The following CDYL variants were observed in gnomAD, a reference collection of about 807,000 sequenced individuals.
CDYL encodes the protein chromodomain Y like.
Under a neutral mutation model 47.3 loss-of-function variants are expected in CDYL, and 8 were observed. That is an observed-to-expected ratio of 0.17 (90% CI 0.10 to 0.31). CDYL has a LOEUF of 0.31. CDYL is among the 10% of genes least tolerant of loss of function. The pLI, the probability that CDYL is intolerant of heterozygous loss-of-function variation, is 1.00. For synonymous variants in CDYL, 266 were observed against 265.0 expected, an observed-to-expected ratio of 1.00 and a Z score of -0.04; for missense variants, 471 against 701.4, an observed-to-expected ratio of 0.67 and a Z score of 3.71.
At chr6:4,761,093 G>A (rs1254214850) in intron 3 of CDYL, among the ~76,000 whole-genome samples, 1 of 152,028 alleles carries the variant, frequency 6.6e-6, no homozygotes, top group Non-Finnish European at 1.5e-5. Context: ...AGTAACTGTG[G>A]CAAAATTGTT....
chr6:4,750,589 C>A (rs2127419810), intron 3 of CDYL, among the ~76,000 whole-genome samples: 1 of 152,294 alleles, frequency 6.6e-6, no homozygotes, highest in East Asian at 1.9e-4. Flanking sequence ...ACTGCTGGAG[C>A]CTAGGAGTTC....
At chr6:4,709,182 C>T (rs1253507951) in intron 1 of CDYL, among the ~76,000 whole-genome samples, 3 of 151,904 alleles carry the variant, frequency 2.0e-5, no homozygotes, top group Non-Finnish European at 4.4e-5. Context: ...ACTAATTCTG[C>T]TATTCATTGC....
intron 1 of CDYL, among the ~76,000 whole-genome samples, chr6:4,790,859 T>C (rs566010642): frequency 3.3e-5 from 5 of 152,328 alleles, no homozygotes; most frequent in African/African-American, 1.2e-4. Flanking sequence ...TAAGCAAGTA[T>C]CTGTAATGAA....
chr6:4,892,492 T>A, intron 2 of CDYL, 113 bp downstream of exon 2: 5 of 1,132,572 alleles, frequency 4.4e-6, no homozygotes, highest in Admixed American at 5.0e-5. Context: ...CGGCATCTGC[T>A]GGAGCCTTGC....
chr6:4,843,271 A>C (rs2127459997), intron 1 of CDYL, among the ~76,000 whole-genome samples: 1 of 152,230 alleles, frequency 6.6e-6, no homozygotes, highest in East Asian at 1.9e-4. Flanking sequence ...TCTTAACTTT[A>C]GATAACCTGA....
At chr6:4,943,903 C>T (rs1190286510) in intron 5 of CDYL, 147 bp downstream of exon 5, 14 of 594,022 alleles carry the variant, frequency 2.4e-5, no homozygotes, top group African/African-American at 3.7e-5. Flanking sequence ...GGTTCATAGA[C>T]GTTGTTGACC....
chr6:4,807,591 C>CTTTTTTTTT (rs70974139), intron 1 of CDYL, among the ~76,000 whole-genome samples: 1 of 42,898 alleles, frequency 2.3e-5, no homozygotes, highest in African/African-American at 8.9e-5. Context: ...TCATTCATGT[C>CTTTTTTTTT]TTTTTTTTTT....
intron 2 of CDYL, among the ~76,000 whole-genome samples, chr6:4,916,873 C>T (rs1264194963): frequency 1.3e-5 from 2 of 152,228 alleles, no homozygotes; most frequent in African/African-American, 4.8e-5. Context: ...GGCCTGGCCA[C>T]GTGCACGGCC....
intron 1 of CDYL, among the ~76,000 whole-genome samples, chr6:4,708,060 GA>G (rs1757078107): frequency 6.6e-6 from 1 of 152,074 alleles, no homozygotes; most frequent in Admixed American, 6.6e-5. Flanking sequence ...GGAACTTACT[GA>G]AACTTCCTTT....
chr6:4,766,762 G>C (rs1758257708), intron 3 of CDYL, among the ~76,000 whole-genome samples: 1 of 151,904 alleles, frequency 6.6e-6, no homozygotes, highest in Non-Finnish European at 1.5e-5. Flanking sequence ...CCTAGCCTTT[G>C]GGAGGCTGAG....
chr6:4,728,504 G>A (rs1200511224), intron 2 of CDYL, among the ~76,000 whole-genome samples: 2 of 152,146 alleles, frequency 1.3e-5, no homozygotes, highest in East Asian at 3.9e-4. Context: ...ACTAGTGGCT[G>A]AACTGAAAAA....
intron 1 of CDYL, among the ~76,000 whole-genome samples, chr6:4,883,584 T>C (rs1761821490): frequency 6.6e-6 from 1 of 152,184 alleles, no homozygotes; most frequent in Non-Finnish European, 1.5e-5. Context: ...CAGGATAGAT[T>C]GGACTGACCA....
chr6:4,723,516 A>G (rs887525232), intron 2 of CDYL, among the ~76,000 whole-genome samples: 3 of 152,184 alleles, frequency 2.0e-5, no homozygotes, highest in Non-Finnish European at 4.4e-5. Context: ...TGGGCTAGCA[A>G]GAGTGGGGGC....
intron 2 of CDYL, among the ~76,000 whole-genome samples, chr6:4,721,574 G>A (rs1757370215): frequency 6.6e-6 from 1 of 151,986 alleles, no homozygotes; most frequent in South Asian, 2.1e-4. Context: ...AGCAGAGATG[G>A]TTTTGCCCTG....
At chr6:4,937,139 T>C (rs1208262527) in intron 3 of CDYL, among the ~76,000 whole-genome samples, 1 of 152,184 alleles carries the variant, frequency 6.6e-6, no homozygotes, top group East Asian at 1.9e-4. Context: ...GGAGGATCAC[T>C]TGAGCCCAGG....
intron 1 of CDYL, among the ~76,000 whole-genome samples, chr6:4,842,366 A>G (rs1299030527): frequency 1.3e-5 from 2 of 151,346 alleles, no homozygotes; most frequent in Admixed American, 6.6e-5. Context: ...CAGAGTATTA[A>G]AGTCCCCCAC....
At chr6:4,902,643 C>T (rs1757104208) in intron 2 of CDYL, among the ~76,000 whole-genome samples, 1 of 152,092 alleles carries the variant, frequency 6.6e-6, no homozygotes, top group Non-Finnish European at 1.5e-5. Flanking sequence ...CTAGGCACTG[C>T]ATTTATCTCC....
chr6:4,764,149 C>T (rs1212279210), intron 3 of CDYL, among the ~76,000 whole-genome samples: 1 of 152,036 alleles, frequency 6.6e-6, no homozygotes, highest in Non-Finnish European at 1.5e-5. Context: ...CAAAGATTAT[C>T]AAACTGGATT....
At chr6:4,757,229 A>G (rs73358690) in intron 3 of CDYL, among the ~76,000 whole-genome samples, 2,021 of 152,346 alleles carry the variant, frequency 0.013, 34 homozygotes, top group African/African-American at 0.045. Context: ...AAACATTATT[A>G]TAATGAGTTT....
Sources: gnomAD v4.1 joint callset for allele counts (sites outside exome capture counted in the v4.1 genomes callset) on GRCh38, gnomAD v4.1.1 for gene constraint, MANE v1.5 for transcripts, NCBI Gene and HGNC (gene_info 2026-07-23, HGNC 2026-07-21) for gene names.